TARDBP: variants seen among roughly 807,000 people sequenced by gnomAD.
The protein encoded by TARDBP is TAR DNA-binding protein 43.
TARDBP carries 4 observed loss-of-function variants against 38.3 expected under a neutral mutation model. That is an observed-to-expected ratio of 0.10 (90% CI 0.05 to 0.24). The LOEUF is 0.24. Among genes scored for constraint, TARDBP ranks in the 10% least tolerant of loss-of-function variants. The pLI, the probability that TARDBP is intolerant of heterozygous loss-of-function variation, is 1.00. For missense variants in TARDBP, 202 were observed against 521.9 expected (o/e 0.39, Z 5.97); for synonymous variants, 184 against 183.8 (o/e 1.00, Z -0.01).
chr1:11,024,585 GA>G lies in TARDBP; in HGVS notation c.*1934del, dbSNP rs1231894869. The G allele has an allele frequency of 1.3e-5, 2 of 152,638 alleles. No homozygotes were observed. The highest frequency in any genetic ancestry group is 2.9e-5 in the Non-Finnish European group (2 of 68,040). The allele number at this position is 152,638 out of a possible 1,614,324, so 9.5% of individuals were successfully genotyped here. A position where few individuals can be genotyped will look rare whatever the true frequency, so the allele number is the denominator to read the frequency against. On this transcript the variant is annotated 3_prime_UTR_variant, in exon 6 of 6. Transcript: ENST00000240185. The stretch of plus-strand genomic sequence containing the variant: ...TAATTGCAGTAGGGATAAAGTAGAA[GA>G]AACCACAAATTATCTTGTGCCTGAA...
intron 2 of TARDBP, 125 bp from the exon 3 acceptor site, chr1:11,016,719 A>G: frequency 2.0e-6 from 2 of 1,008,732 alleles, no homozygotes; most frequent in Non-Finnish European, 2.9e-6. Context: ...ACTTCTTGCC[A>G]AGTTTTCAGT....
chr1:11,030,189 T>G, downstream of TARDBP: 1 of 1,612,844 alleles, frequency 6.2e-7, no homozygotes. Context: ...GCTCACAGAC[T>G]GGGAGTGATT....
chr1:11,014,060 C>A (rs1643467810), intron 2 of TARDBP, 95 bp downstream of exon 2: 1 of 1,260,546 alleles, frequency 7.9e-7, no homozygotes, highest in East Asian at 2.3e-5. Flanking sequence ...CAGAATGTCT[C>A]CTGAAACTTA....
At position 11,022,947 on chromosome 1, in the gene TARDBP, T is replaced by C; in HGVS notation, c.*293T>C. 1 of 1,370,188 alleles carries C rather than the reference T, an allele frequency of 7.3e-7. No homozygotes were observed. The highest frequency in any genetic ancestry group is 9.4e-7 in the Non-Finnish European group (1 of 1,062,034). The allele number at this position is 1,370,188 out of a possible 1,614,324, so 84.9% of individuals were successfully genotyped here. ...AATTGATATCAAAAGGTTTCTCCTGTAATATTTTATCCCTGGACTTGTCAA... is the reference window on the plus strand; with the variant it reads ...AATTGATATCAAAAGGTTTCTCCTGCAATATTTTATCCCTGGACTTGTCAA... On this transcript the variant is annotated 3_prime_UTR_variant, in exon 6 of 6. Coordinates refer to ENST00000240185, the MANE Select transcript of TARDBP (RefSeq NM_007375.4). The surrounding 1 kb of genome is among the most constrained non-coding windows in gnomAD (Gnocchi z 4.5).
rs1305752569 is a variant in TARDBP, at chr1:11,022,548, G to T, written c.1139G>T (p.Gly380Val). The T allele has an allele frequency of 6.3e-7, 1 of 1,582,142 alleles. No individual in the cohort carries two copies. The highest frequency in any genetic ancestry group is 1.1e-5 in the South Asian group (1 of 87,052). ...GNNSYSGSNS[G>V]AAIGWGSASN... is the part of the protein sequence containing the mutation. ...AACTCTTATAGTGGCTCTAATTCTG[G>T]TGCAGCAATTGGTTGGGGATCAGCA... Residue 380 changes from glycine (G) to valine (V), a missense_variant, in exon 6 of 6, where the codon GGT (glycine) becomes GTT (valine). By Grantham distance (109) the Gly-to-Val change is moderately radical. Around this residue, in one of 5 missense-constraint regions of TARDBP, gnomAD observed 107 missense variants for 190.5 expected, o/e 0.56. Coordinates refer to ENST00000240185, the MANE Select transcript of TARDBP (RefSeq NM_007375.4). The surrounding 1 kb of genome is among the most constrained non-coding windows in gnomAD (Gnocchi z 4.5).
chr1:11,020,044 A>G (rs1643606208), intron 4 of TARDBP, among the ~76,000 whole-genome samples: 1 of 150,730 alleles, frequency 6.6e-6, no homozygotes, highest in African/African-American at 2.4e-5. Flanking sequence ...TTGTATTAGT[A>G]GAGGTGGGGT....
chr1:11,013,414 C>T (rs1409830988), intron 1 of TARDBP, among the ~76,000 whole-genome samples: 3 of 149,380 alleles, frequency 2.0e-5, no homozygotes, highest in Non-Finnish European at 4.5e-5. Context: ...TGTTCCCTTG[C>T]ATACCCTAGC....
downstream of TARDBP, among the ~76,000 whole-genome samples, chr1:11,029,168 ATTT>A (rs145611326): frequency 6.9e-6 from 1 of 143,894 alleles, no homozygotes; most frequent in Admixed American, 6.9e-5. Context: ...AATTTTTTGT[ATTT>A]TTTTTTTTTT....
chr1:11,023,078 TCTC>T lies in TARDBP; in HGVS notation c.*427_*429del. On this transcript the variant is annotated 3_prime_UTR_variant, in exon 6 of 6. Coordinates refer to ENST00000240185, the MANE Select transcript of TARDBP (RefSeq NM_007375.4). ...ATATGGATTTTTTTCCTTAAGAAAA[TCTC>T]CTTTTAGGAGATCATGGTGTCACAG... 6.9e-7 allele frequency: 1 copy of T among 1,452,096 alleles called. No individual in the cohort carries two copies. Among genetic ancestry groups the T allele is most frequent in the Non-Finnish European group, 9.1e-7 (1 of 1,098,292 alleles). 90.0% of individuals were successfully genotyped at this position (1,452,096 alleles called of 1,614,324 possible).
At position 11,022,497 on chromosome 1, in the gene TARDBP, C is replaced by A; in HGVS notation, c.1088C>A (p.Pro363Gln). ...AACCAAGGCAACATGCAGAGGGAGC[C>A]AAACCAGGCCTTCGGTTCTGGAAAT... ...NQNQGNMQRE[P>Q]NQAFGSGNNS... Residue 363 changes from proline to glutamine, a missense_variant, in exon 6 of 6, where the codon CCA (proline) becomes CAA (glutamine). By Grantham distance (76) the Pro-to-Gln change is moderately conservative (BLOSUM62 -1). Transcript: ENST00000240185. The surrounding 1 kb of genome is among the most constrained non-coding windows in gnomAD (Gnocchi z 4.5). 6.2e-7 allele frequency: 1 copy of A among 1,601,596 alleles called. No homozygotes were observed. The highest frequency in any genetic ancestry group is 8.5e-7 in the Non-Finnish European group (1 of 1,171,200).
At chr1:11,019,594 T>C (rs1277622588) in intron 4 of TARDBP, among the ~76,000 whole-genome samples, 1 of 151,038 alleles carries the variant, frequency 6.6e-6, no homozygotes, top group Non-Finnish European at 1.5e-5. Context: ...AGAGAGAGAG[T>C]CTCACTCTGT....
downstream of TARDBP, among the ~76,000 whole-genome samples, chr1:11,028,374 G>A (rs1643775834): frequency 6.6e-6 from 1 of 152,150 alleles, no homozygotes; most frequent in African/African-American, 2.4e-5. Context: ...TAGGAAAGCA[G>A]GAACTAAAGT....
chr1:11,013,835 A>G lies in TARDBP; in HGVS notation c.108A>G (p.Pro36=). ...TCTCCACGGTTACAGCCCAGTTTCC[A>G]GGGGCGTGTGGGCTTCGCTACAGGA... The part of the protein sequence containing the change: ...VLLSTVTAQF[P]GACGLRYRNP... Residue 36 remains proline (P), a synonymous_variant, in exon 2 of 6, where the codon CCA becomes CCG. Transcript: ENST00000240185. The G allele has an allele frequency of 6.2e-7, 1 of 1,614,070 alleles. No homozygotes were observed. The highest frequency in any genetic ancestry group is 8.5e-7 in the Non-Finnish European group (1 of 1,179,924).
chr1:11,028,997 TTC>T (rs1195503962), downstream of TARDBP, among the ~76,000 whole-genome samples: 1 of 148,998 alleles, frequency 6.7e-6, no homozygotes, highest in Non-Finnish European at 1.5e-5. Flanking sequence ...TTTTTTCTTT[TTC>T]TCTTTTTTTT....
At chr1:11,014,907 G>T (rs948437963) in intron 2 of TARDBP, among the ~76,000 whole-genome samples, 20 of 151,610 alleles carry the variant, frequency 1.3e-4, no homozygotes, top group African/African-American at 4.8e-4. Context: ...TTGCACTCCA[G>T]CCTGGGCAAC....
At chr1:11,018,565 G>C in intron 3 of TARDBP, 168 bp from the exon 4 acceptor site, 1 of 839,140 alleles carries the variant, frequency 1.2e-6, no homozygotes, top group Non-Finnish European at 1.9e-6. Flanking sequence ...ACACAGTATG[G>C]ATTCAATATT....
chr1:11,027,386 A>G (rs1436335485), downstream of TARDBP: 2 of 1,614,094 alleles, frequency 1.2e-6, no homozygotes, highest in East Asian at 2.2e-5. Flanking sequence ...TATAACCTTC[A>G]TGTATAAAAA....
downstream of TARDBP, among the ~76,000 whole-genome samples, chr1:11,028,111 A>T (rs1460629258): frequency 6.6e-6 from 1 of 151,998 alleles, no homozygotes; most frequent in East Asian, 1.9e-4. Flanking sequence ...AATCCCAGCC[A>T]CTTGGGAGGC....
At chr1:11,013,580 G>A (rs911530889) in intron 1 of TARDBP, 136 bp from the exon 2 acceptor site, 3 of 712,090 alleles carry the variant, frequency 4.2e-6, no homozygotes, top group Admixed American at 4.5e-5. Flanking sequence ...ATTTTTCAGG[G>A]ATAACCAATG....
Sources: allele counts gnomAD v4.1 joint callset (sites outside exome capture counted in the v4.1 genomes callset), GRCh38; gene constraint gnomAD v4.1.1; regional missense constraint gnomAD v4.1.1; non-coding constraint Gnocchi (gnomAD v3.1); transcripts MANE v1.5; gene names NCBI Gene and HGNC (gene_info 2026-07-23, HGNC 2026-07-21).